The following TENM2 variants were observed in gnomAD, a reference collection of about 807,000 sequenced individuals.
The protein encoded by TENM2 is teneurin-2.
In TENM2, 52 loss-of-function variants were observed where a neutral mutation model predicts 245.2. That is an observed-to-expected ratio of 0.21 (90% CI 0.17 to 0.27). TENM2 has a LOEUF of 0.27. Among genes scored for constraint, TENM2 ranks in the 10% least tolerant of loss-of-function variants. The pLI, the probability that TENM2 is intolerant of heterozygous loss-of-function variation, is 1.00. For synonymous variants in TENM2, 1,363 were observed against 1,438.9 expected (o/e 0.95, Z 1.19); for missense variants, 3,046 against 3,666.8 (o/e 0.83, Z 4.37).
At chr5:167,722,126 C>T (rs965475876) in intron 2 of TENM2, among the ~76,000 whole-genome samples, 3 of 152,176 alleles carry the variant, frequency 2.0e-5, no homozygotes, top group Non-Finnish European at 4.4e-5. Context: ...TCACCCAAAG[C>T]CTGCATGGCT....
At chr5:168,138,211 C>T (rs1276056021) in intron 12 of TENM2, among the ~76,000 whole-genome samples, 1 of 152,194 alleles carries the variant, frequency 6.6e-6, no homozygotes, top group African/African-American at 2.4e-5. Flanking sequence ...CCATCACTTG[C>T]AAGTTGGGTG....
chr5:167,431,027 C>T (rs531004052), intron 2 of TENM2, among the ~76,000 whole-genome samples: 1 of 152,120 alleles, frequency 6.6e-6, no homozygotes, highest in Non-Finnish European at 1.5e-5. Context: ...GTAATCTTCT[C>T]TCTTATTTGG....
intron 2 of TENM2, among the ~76,000 whole-genome samples, chr5:167,807,637 AAAG>A (rs574965898): frequency 0.058 from 7,971 of 137,214 alleles, 283 homozygotes; most frequent in Non-Finnish European, 0.086. Flanking sequence ...AAAAAAAAAA[AAAG>A]AGACAGAACC....
In TENM2 at chr5:168,218,718, G is replaced by A; in HGVS notation, c.4827G>A (p.Val1609=). 4 of 1,614,054 alleles carry A rather than the reference G, an allele frequency of 2.5e-6. No homozygotes were observed. The highest frequency in any genetic ancestry group is 3.4e-6 in the Non-Finnish European group (4 of 1,179,904). Reference sequence around the variant, plus strand: ...TCCACCAATACACTGTGAGCCTGGTGACAGGGGAGTACTTGTACAATTTCA... The same window carrying A: ...TCCACCAATACACTGTGAGCCTGGTAACAGGGGAGTACTTGTACAATTTCA... Residue 1609 remains valine, a synonymous_variant, in exon 23 of 29, where the codon GTG becomes GTA. Coordinates refer to ENST00000518659, the Ensembl canonical transcript of TENM2. The surrounding 1 kb of genome is among the most constrained non-coding windows in gnomAD (Gnocchi z 5.2).
the TENM2 span, among the ~76,000 whole-genome samples, chr5:167,198,958 G>A: frequency 6.6e-6 from 1 of 152,046 alleles, no homozygotes; most frequent in South Asian, 2.1e-4. Context: ...TTAATCAATA[G>A]ATGCCTGATT....
chr5:167,344,159 A>G (rs1264421493), intron 1 of TENM2, among the ~76,000 whole-genome samples: 1 of 148,678 alleles, frequency 6.7e-6, no homozygotes, highest in Non-Finnish European at 1.5e-5. Context: ...TGCTATATGT[A>G]TTTTATATAT....
chr5:167,299,000 ATACAGG>A (rs1561845015), intron 1 of TENM2, among the ~76,000 whole-genome samples: 1 of 152,194 alleles, frequency 6.6e-6, no homozygotes, highest in African/African-American at 2.4e-5. Context: ...AGGAGCGTCC[ATACAGG>A]AGCTCAAATG....
rs188519012 is a variant in TENM2 at position 167,523,893 on chromosome 5, T to C, written c.502+148420T>C. 3.3e-5 allele frequency among the ~76,000 whole-genome samples: 5 copies of C among 152,294 alleles called. No homozygotes were observed. In the East Asian group the frequency reaches 7.7e-4, roughly 24 times the overall value. ...ATTGCCTATGTTTCTGTGCCCTTCA[T>C]TGAGATCAGCTGAGTTTCATGATCC... On this transcript the variant is annotated intron_variant, in intron 2 of 28. Coordinates refer to ENST00000518659, the Ensembl canonical transcript of TENM2.
intron 2 of TENM2, among the ~76,000 whole-genome samples, chr5:167,445,335 A>AGAGAG (rs1363455239): frequency 1.7e-5 from 1 of 59,192 alleles, no homozygotes; most frequent in South Asian, 6.3e-4. Context: ...ATATATATAT[A>AGAGAG]TAGAGAGAGA....
At chr5:167,535,188 TG>T (rs1192246832) in intron 2 of TENM2, among the ~76,000 whole-genome samples, 1 of 151,856 alleles carries the variant, frequency 6.6e-6, no homozygotes, top group Non-Finnish European at 1.5e-5. Flanking sequence ...CATTTGGGGT[TG>T]GGGGGTATCT....
At chr5:168,137,165 C>G (rs1248106299) in intron 12 of TENM2, among the ~76,000 whole-genome samples, 6 of 152,144 alleles carry the variant, frequency 3.9e-5, no homozygotes, top group Admixed American at 1.3e-4. Context: ...ATAATTGCTG[C>G]CCAGGAGGAA....
the TENM2 span, among the ~76,000 whole-genome samples, chr5:167,005,169 G>C: frequency 6.6e-6 from 1 of 152,122 alleles, no homozygotes; most frequent in Non-Finnish European, 1.5e-5. Flanking sequence ...ATTCGAGCGA[G>C]GGCTTTCTTC....
chr5:167,141,506 T>G, the TENM2 span, among the ~76,000 whole-genome samples: 2 of 152,126 alleles, frequency 1.3e-5, no homozygotes, highest in African/African-American at 4.8e-5. Flanking sequence ...GGAATGAAAT[T>G]AAACAGGTTG....
At chr5:167,598,339 G>A (rs1181311377) in intron 2 of TENM2, among the ~76,000 whole-genome samples, 4 of 152,172 alleles carry the variant, frequency 2.6e-5, no homozygotes, top group Non-Finnish European at 5.9e-5. Flanking sequence ...CAAGTCTCCT[G>A]AGATGTGTAG....
the TENM2 span, among the ~76,000 whole-genome samples, chr5:167,019,975 G>T: frequency 6.6e-6 from 1 of 152,058 alleles, no homozygotes. Context: ...AATGAATAAT[G>T]AGAAATGGAG....
the TENM2 span, among the ~76,000 whole-genome samples, chr5:166,984,127 G>C: frequency 6.6e-6 from 1 of 152,052 alleles, no homozygotes; most frequent in Admixed American, 6.6e-5. Flanking sequence ...CTTTTGTAAA[G>C]TGCTTTTATT....
At chr5:167,660,981 C>A (rs1475367064) in intron 2 of TENM2, among the ~76,000 whole-genome samples, 1 of 152,068 alleles carries the variant, frequency 6.6e-6, no homozygotes, top group Admixed American at 6.5e-5. Context: ...GTATAAATAA[C>A]AAGTTATATG....
chr5:167,197,636 G>A, the TENM2 span, among the ~76,000 whole-genome samples: 3 of 152,068 alleles, frequency 2.0e-5, no homozygotes, highest in African/African-American at 7.2e-5. Flanking sequence ...GACTTCTCTG[G>A]CAACAAAATT....
chr5:168,187,306 G>C (rs1760553071), intron 13 of TENM2: 1 of 152,330 alleles, frequency 6.6e-6, no homozygotes, highest in East Asian at 1.9e-4. Flanking sequence ...TGGAGGGGGA[G>C]GGGGAGGCAA....
Sources: gnomAD v4.1 joint callset for allele counts (sites outside exome capture counted in the v4.1 genomes callset) on GRCh38, gnomAD v4.1.1 for gene constraint, Gnocchi (gnomAD v3.1) non-coding constraint, MANE v1.5 for transcripts, NCBI Gene and HGNC (gene_info 2026-07-23, HGNC 2026-07-21) for gene names.